The following PAN2 variants were observed in gnomAD, a reference collection of about 807,000 sequenced individuals.
PAN2 encodes the protein PAN2-PAN3 deadenylation complex catalytic subunit PAN2.
A neutral mutation model predicts 133.3 loss-of-function variants in PAN2; 68 were observed. The ratio of observed to expected loss-of-function variants is 0.51; its 90% CI spans 0.42 to 0.62. PAN2 has a LOEUF of 0.62. PAN2 is among the 20% of genes least tolerant of loss of function. The pLI is 0.00. For synonymous variants in PAN2, 462 were observed against 544.6 expected (o/e 0.85, Z 2.11); for missense variants, 1,042 against 1,500.5 (o/e 0.69, Z 5.05).
intron 7 of PAN2, 59 bp from the exon 8 acceptor site, chr12:56,326,468 C>A: frequency 6.5e-7 from 1 of 1,531,322 alleles, no homozygotes; most frequent in East Asian, 2.4e-5. Context: ...GTCCACTCCC[C>A]AATCCCCAAG....
At chr12:56,332,749 T>C in intron 2 of PAN2, 64 bp downstream of exon 2, 1 of 1,541,518 alleles carries the variant, frequency 6.5e-7, no homozygotes, top group South Asian at 1.2e-5. Flanking sequence ...GCAGCTTCCT[T>C]GGGTTAAGAC....
At position 56,319,250 on chromosome 12, in the gene PAN2, ATGTATACCC is replaced by A. The variant is rs1874230467; in HGVS notation, c.3270+49_3270+57del. 3.1e-6 allele frequency: 5 copies of A among 1,613,184 alleles called. No individual in the cohort carries two copies. The highest frequency in any genetic ancestry group is 3.4e-6 in the Non-Finnish European group (4 of 1,179,404). ...TAATTCCCCATTCTCTAAAGGCACA[ATGTATACCC>A]TGAGGGGCCCACTCTCACAAGAAGA... On this transcript the variant is annotated intron_variant, in intron 23 of 25. Transcript: ENST00000440411. This position sits in a 1 kb window ranked among gnomAD's most constrained non-coding sequence, Gnocchi z 5.4.
rs1303335122 is a variant in PAN2, at chr12:56,323,227, T to C, written c.2346-18A>G. On this transcript the variant is annotated intron_variant, in intron 16 of 25. Coordinates refer to ENST00000440411, the MANE Select transcript of PAN2 (RefSeq NM_014871.6). ...GTTCCTTCCTATCAGGTCAGAAGAA[T>C]TGGAAATTTGTTCCGAAAGAGGTCT... 1 of 1,613,794 alleles carries C rather than the reference T, an allele frequency of 6.2e-7. No homozygotes were observed. Among genetic ancestry groups the C allele is most frequent in the Non-Finnish European group, 8.5e-7 (1 of 1,179,946 alleles).
rs773767981 is a variant in PAN2 at position 56,319,381 on chromosome 12, C to T, written c.3197G>A (p.Arg1066His). The change falls in exon 23 of 26, where the codon CGT (arginine) becomes CAT (histidine). Residue 1066 changes from arginine to histidine, a missense_variant. Physicochemically the swap from Arg to His is conservative, Grantham distance 29 (BLOSUM62 0). Coordinates refer to ENST00000440411, the MANE Select transcript of PAN2 (RefSeq NM_014871.6). The surrounding 1 kb of genome is among the most constrained non-coding windows in gnomAD (Gnocchi z 5.4). ...TTLKSTYLKL[R>H]FLIDIGVKFV... is the part of the protein sequence containing the mutation. ...CTTGACTCCAATGTCAATGAGAAAA[C>T]GAAGCTTTAAGTAGGTAGACTTGAG... The T allele has an allele frequency of 2.5e-6, 4 of 1,614,150 alleles. No individual in the cohort carries two copies. The highest frequency in any genetic ancestry group is 2.2e-5 in the East Asian group (1 of 44,896).
At position 56,322,630 on chromosome 12, in the gene PAN2, G is replaced by T; in HGVS notation, c.2622C>A (p.Tyr874Ter). The T allele has an allele frequency of 6.2e-7, 1 of 1,614,184 alleles. No individual in the cohort carries two copies. The highest frequency in any genetic ancestry group is 2.2e-5 in the East Asian group (1 of 44,880). The change falls in exon 18 of 26, where the codon TAC becomes TAA. Residue 874 changes from tyrosine (Y) to a stop codon, truncating the protein, a stop_gained. Transcript: ENST00000440411. LOFTEE classifies it high-confidence loss of function. ...CCTCACTCACCTCCTTGCGCTGGTG[G>T]TAGGTCTCTCCAACTTTGATGTGAG... is the stretch of plus-strand genomic sequence containing the variant. ...LVAHIKVGET[Y>*]HQRKEGVTHQ...
intron 14 of PAN2, 36 bp downstream of exon 14, chr12:56,323,771 G>T: frequency 6.6e-7 from 1 of 1,511,474 alleles, no homozygotes; most frequent in South Asian, 1.1e-5. Flanking sequence ...TCCATGGCAG[G>T]ACCAGGACTC....
In PAN2 at chr12:56,324,841, G is replaced by A. The variant is rs373377919; in HGVS notation, c.1600-132C>T. ...ACCGAAGCAGTGAGTCCACCAAACC[G>A]GTGGAGCTCAGAGGAGACTTGAAAG... On this transcript the variant is annotated intron_variant, in intron 10 of 25. Coordinates refer to ENST00000440411, the MANE Select transcript of PAN2 (RefSeq NM_014871.6). 1.0e-5 allele frequency: 14 copies of A among 1,369,916 alleles called. No homozygotes were observed. In the African/African-American group the frequency reaches 1.2e-4, roughly 11 times the overall value. 84.9% of individuals were successfully genotyped at this position (1,369,916 alleles called of 1,614,324 possible). A position where few individuals can be genotyped will look rare whatever the true frequency, so the allele number is the denominator to read the frequency against.
At chr12:56,318,798 T>G (rs1874183821) in intron 24 of PAN2, among the ~76,000 whole-genome samples, 1 of 152,158 alleles carries the variant, frequency 6.6e-6, no homozygotes, top group South Asian at 2.1e-4. Flanking sequence ...ATCCCTAATA[T>G]GCAAATAGTG....
At chr12:56,320,224 A>T (rs547961997) in intron 20 of PAN2, among the ~76,000 whole-genome samples, 11 of 152,366 alleles carry the variant, frequency 7.2e-5, no homozygotes, top group African/African-American at 2.6e-4. Flanking sequence ...ACATGCTGAG[A>T]AAAAACCAGA....
chr12:56,326,832 A>G lies in PAN2; in HGVS notation c.1047T>C (p.Asp349=), dbSNP rs1875177433. The G allele has an allele frequency of 6.2e-7, 1 of 1,614,080 alleles. No homozygotes were observed. Among genetic ancestry groups the G allele is most frequent in the Non-Finnish European group, 8.5e-7 (1 of 1,180,034 alleles). The change falls in exon 7 of 26, where the codon GAT becomes GAC. Residue 349 remains aspartate (D), a synonymous_variant. Transcript: ENST00000440411. ...SASKQALAFG[D]SEGCVHLWTD... ...TCCAGAGGTGCACACAGCCCTCAGAATCCCCAAAGGCCAGAGCCTGCTTGC... is the reference window on the plus strand; with the variant it reads ...TCCAGAGGTGCACACAGCCCTCAGAGTCCCCAAAGGCCAGAGCCTGCTTGC...
chr12:56,323,724 T>C, intron 14 of PAN2, 83 bp downstream of exon 14: 4 of 1,428,582 alleles, frequency 2.8e-6, no homozygotes, highest in Non-Finnish European at 3.9e-6. Context: ...ATGGCAGTGC[T>C]GACAGAGCCA....
At position 56,318,298 on chromosome 12, in the gene PAN2, A is replaced by G. The variant is rs750005813; in HGVS notation, c.3501T>C (p.Tyr1167=). 6.2e-7 allele frequency: 1 copy of G among 1,614,036 alleles called. No individual in the cohort carries two copies. The highest frequency in any genetic ancestry group is 8.5e-7 in the Non-Finnish European group (1 of 1,180,002). The change falls in exon 25 of 26, where the codon TAT becomes TAC. Residue 1167 remains tyrosine (Y), a synonymous_variant. Coordinates refer to ENST00000440411, the MANE Select transcript of PAN2 (RefSeq NM_014871.6). The stretch of plus-strand genomic sequence containing the variant: ...TCCAGTCCATCTTTCTGCCCTTCTC[A>G]TAAAGACCCTTGAGCACCTTGTGGA... ...ESFHKVLKGL[Y]EKGRKMDWKV...
chr12:56,322,167 T>C lies in PAN2; in HGVS notation c.2699A>G (p.His900Arg). The change falls in exon 20 of 26, where the codon CAT becomes CGT. Residue 900 changes from histidine to arginine, a missense_variant and splice_region_variant. By Grantham distance (29) the His-to-Arg change is conservative. Transcript: ENST00000440411. ...ATTCATGTCAAACTGCACAGCTTCA[T>C]GCTATAGAAGAGAAAAAGCACTTAT... ...NDFLIEPIDKHEAVQFDMNWK... is the reference protein window; with the variant it reads ...NDFLIEPIDKREAVQFDMNWK... 1.3e-6 allele frequency: 2 copies of C among 1,590,362 alleles called. No individual in the cohort carries two copies. Among genetic ancestry groups the C allele is most frequent in the Non-Finnish European group, 1.7e-6 (2 of 1,158,708 alleles).
At chr12:56,332,372 C>T (rs557931580) in intron 2 of PAN2, among the ~76,000 whole-genome samples, 1 of 152,082 alleles carries the variant, frequency 6.6e-6, no homozygotes, top group Non-Finnish European at 1.5e-5. Flanking sequence ...CAGCTCTATG[C>T]AGGAGGACCA....
intron 2 of PAN2, 32 bp from the exon 3 acceptor site, chr12:56,328,673 G>C (rs779633761): frequency 6.3e-7 from 1 of 1,597,610 alleles, no homozygotes; most frequent in Non-Finnish European, 8.6e-7. Flanking sequence ...GAGACACTTA[G>C]AGTGGAGGGG....
chr12:56,328,739 T>C, intron 2 of PAN2, 98 bp from the exon 3 acceptor site: 1 of 977,082 alleles, frequency 1.0e-6, no homozygotes, highest in South Asian at 1.6e-5. Flanking sequence ...TTGGATCCTT[T>C]CTTGCTTGGC....
At chr12:56,328,687 G>C (rs200275427) in intron 2 of PAN2, 46 bp from the exon 3 acceptor site, 2 of 1,544,438 alleles carry the variant, frequency 1.3e-6, no homozygotes, top group Admixed American at 3.4e-5. Context: ...GGAGGGGCAA[G>C]GGCCACCCTA....
chr12:56,322,764 A>G lies in PAN2; in HGVS notation c.2494-6T>C, dbSNP rs1874695073. ...TCTGCCCTGGCTGGGCCCCACTGTGAGGGGGGTACCCAGGCTGCTAAGCTA... is the reference window on the plus strand; with the variant it reads ...TCTGCCCTGGCTGGGCCCCACTGTGGGGGGGGTACCCAGGCTGCTAAGCTA... On this transcript the variant is annotated splice_region_variant and splice_polypyrimidine_tract_variant and intron_variant, in intron 17 of 25. Coordinates refer to ENST00000440411, the MANE Select transcript of PAN2 (RefSeq NM_014871.6). 6 of 1,504,666 alleles carry G rather than the reference A, an allele frequency of 4.0e-6. No individual in the cohort carries two copies. The highest frequency in any genetic ancestry group is 5.4e-6 in the Non-Finnish European group (6 of 1,115,262). The allele number at this position is 1,504,666 out of a possible 1,614,324, so 93.2% of individuals were successfully genotyped here. A position where few individuals can be genotyped will look rare whatever the true frequency, so the allele number is the denominator to read the frequency against.
chr12:56,324,599 A>G lies in PAN2; in HGVS notation c.1710T>C (p.Ser570=). 1 of 1,614,090 alleles carries G rather than the reference A, an allele frequency of 6.2e-7. No homozygotes were observed. Among genetic ancestry groups the G allele is most frequent in the Non-Finnish European group, 8.5e-7 (1 of 1,179,978 alleles). Residue 570 remains serine (S), a synonymous_variant, in exon 11 of 26, where the codon TCT becomes TCC. Coordinates refer to ENST00000440411, the MANE Select transcript of PAN2 (RefSeq NM_014871.6). ...TACTGACCTGGCAAGGGTCACCACG[A>G]GAGAGGTCCAACATGTGAAACAGGA... ...LGFLFHMLDL[S]RGDPCQGNNF... is the part of the protein sequence containing the mutation.
Sources: allele counts gnomAD v4.1 joint callset (sites outside exome capture counted in the v4.1 genomes callset), GRCh38; gene constraint gnomAD v4.1.1; non-coding constraint Gnocchi (gnomAD v3.1); transcripts MANE v1.5; gene names NCBI Gene and HGNC (gene_info 2026-07-23, HGNC 2026-07-21).